EYA1: variants seen among roughly 807,000 people sequenced by gnomAD.
EYA1 encodes the protein EYA transcriptional coactivator and phosphatase 1.
A neutral mutation model predicts 82.0 loss-of-function variants in EYA1; 16 were observed. The observed-to-expected ratio is 0.20, with a 90% CI of 0.13 to 0.30. The LOEUF (loss-of-function observed/expected upper bound fraction) is 0.30. Ranked by LOEUF, EYA1 falls within the 10% of genes least tolerant of loss-of-function variation. The probability of loss-of-function intolerance (pLI) is 1.00; values close to 1 mark genes in which losing one functional copy is unlikely to be tolerated. For synonymous variants in EYA1, 261 were observed against 264.4 expected (o/e 0.99, Z 0.12); for missense variants, 633 against 730.7 (o/e 0.87, Z 1.54).
intron 12 of EYA1, among the ~76,000 whole-genome samples, chr8:71,217,299 A>T (rs1809336191): frequency 6.6e-6 from 1 of 152,226 alleles, no homozygotes; most frequent in Admixed American, 6.5e-5. Context: ...AACAATTAGC[A>T]TATGTGTTCC....
At chr8:71,271,645 G>A in intron 10 of EYA1, 113 bp downstream of exon 10, 2 of 1,121,292 alleles carry the variant, frequency 1.8e-6, no homozygotes, top group Admixed American at 1.7e-5. Flanking sequence ...AAAGAAAGCA[G>A]TAACAAAAGC....
rs143798228 is a variant in EYA1 at position 71,211,157 on chromosome 8, T to C, written c.1697A>G (p.Lys566Arg). 6.3e-7 allele frequency: 1 copy of C among 1,599,702 alleles called. No individual in the cohort carries two copies. The highest frequency in any genetic ancestry group is 8.6e-7 in the Non-Finnish European group (1 of 1,167,150). Residue 566 changes from lysine (K) to arginine (R), a missense_variant and splice_region_variant, in exon 17 of 18, where the codon AAG becomes AGG. By Grantham distance (26) the Lys-to-Arg change is conservative. Transcript: ENST00000340726. ...DGVEEEQGAK[K>R]HAMPFWRISS... ...GATGCACCATCTAGGAATGCTCACCTTTTTTGCTCCTTGTTCTTCTTCTAC... is the reference window on the plus strand; with the variant it reads ...GATGCACCATCTAGGAATGCTCACCCTTTTTGCTCCTTGTTCTTCTTCTAC...
At position 71,361,893 on chromosome 8, in the gene EYA1, C is replaced by T; in HGVS notation, c.-301G>A. On this transcript the variant is annotated 5_prime_UTR_variant, in exon 1 of 18. Coordinates refer to ENST00000340726, the MANE Select transcript of EYA1 (RefSeq NM_000503.6). ...GAGCGACTGAGCGAAAACGTGTTCC[C>T]CAGGAAGAAACCCGCCACAGTGGAC... is the stretch of plus-strand genomic sequence containing the variant. The T allele has an allele frequency of 1.0e-6, 1 of 985,456 alleles. No individual in the cohort carries two copies. The highest frequency in any genetic ancestry group is 1.2e-6 in the Non-Finnish European group (1 of 829,982). 61.0% of individuals were successfully genotyped at this position (985,456 alleles called of 1,614,324 possible).
chr8:71,546,515 T>A lies in EYA1; in HGVS notation c.-73+1349A>T, dbSNP rs376132958. ...AGACACTTTCTACTGATTCTTATTT[T>A]TTTTTTTTTTTTGAACGCTCTGTCG... On this transcript the variant is annotated intron_variant, in intron 1 of 18. Coordinates refer to the EYA1 transcript ENST00000643681. Among the ~76,000 whole-genome samples the A allele has an allele frequency of 7.5e-4, 114 of 151,244 alleles. No homozygotes were observed. The Middle Eastern group carries it at 0.02, about 27-fold the overall frequency.
At chr8:71,320,446 C>G (rs1013860859) in intron 6 of EYA1, among the ~76,000 whole-genome samples, 1 of 152,260 alleles carries the variant, frequency 6.6e-6, no homozygotes, top group South Asian at 2.1e-4. Flanking sequence ...CCTTTTTCTT[C>G]TTGTAGTCCA....
chr8:71,404,252 T>C (rs1830099958), intron 2 of EYA1: 1 of 152,168 alleles, frequency 6.6e-6, no homozygotes, highest in Non-Finnish European at 1.5e-5. Context: ...ATCATAGTCA[T>C]TGAAAAGCCC....
chr8:71,453,656 T>C (rs1248862141), intron 2 of EYA1, among the ~76,000 whole-genome samples: 2 of 152,170 alleles, frequency 1.3e-5, no homozygotes, highest in Admixed American at 6.5e-5. Flanking sequence ...CAGAATTTCA[T>C]ATCCAGCCAA....
chr8:71,388,777 C>T (rs1259658484), intron 2 of EYA1, among the ~76,000 whole-genome samples: 1 of 152,048 alleles, frequency 6.6e-6, no homozygotes, highest in Non-Finnish European at 1.5e-5. Flanking sequence ...AGAGGAAGTA[C>T]ATTTTAATAA....
chr8:71,445,589 A>T (rs1806812100), intron 2 of EYA1, among the ~76,000 whole-genome samples: 1 of 152,206 alleles, frequency 6.6e-6, no homozygotes, highest in African/African-American at 2.4e-5. Context: ...TGTATTTCAT[A>T]TTGGGACTTT....
intron 12 of EYA1, among the ~76,000 whole-genome samples, chr8:71,231,191 T>C (rs1278524167): frequency 6.6e-6 from 1 of 152,240 alleles, no homozygotes; most frequent in Non-Finnish European, 1.5e-5. Flanking sequence ...CTGTTCTCTG[T>C]CTCCACAAAC....
intron 3 of EYA1, among the ~76,000 whole-genome samples, chr8:71,347,975 G>A (rs1825919923): frequency 6.6e-6 from 1 of 151,230 alleles, no homozygotes; most frequent in Non-Finnish European, 1.5e-5. Flanking sequence ...TATAAATTGT[G>A]GGTCCTAAAC....
chr8:71,441,686 T>C (rs1474659782), intron 2 of EYA1, among the ~76,000 whole-genome samples: 1 of 152,228 alleles, frequency 6.6e-6, no homozygotes, highest in Non-Finnish European at 1.5e-5. Context: ...CATTTGTTCA[T>C]ATCCCTGTTT....
intron 16 of EYA1, among the ~76,000 whole-genome samples, chr8:71,211,554 G>A (rs1405389107): frequency 3.3e-5 from 5 of 152,202 alleles, no homozygotes; most frequent in Non-Finnish European, 7.4e-5. Context: ...TGCAATTGGG[G>A]TGGTGGGGGA....
Position 71,213,570 on chromosome 8 carries a change from T to G in EYA1, c.1597+1817A>C, listed in dbSNP as rs561933024. ...GGAATTTTACTCTATTTGATATATT[T>G]CTTGCTTTTTGATATTTTCCAACAA... is the stretch of plus-strand genomic sequence containing the variant. On this transcript the variant is annotated intron_variant, in intron 16 of 17. Transcript: ENST00000340726. Among the ~76,000 whole-genome samples the G allele has an allele frequency of 1.1e-4, 17 of 152,368 alleles. No homozygotes were observed. In the East Asian group the frequency reaches 3.3e-3, roughly 29 times the overall value.
In EYA1 at chr8:71,531,873, A is replaced by T. The variant is rs77906300; in HGVS notation, c.33+3871T>A. ...GAGAAGAGTGGGTAGAACTTACAAA[A>T]TCACACGTGTTACTGACTCTTCCTA... On this transcript the variant is annotated intron_variant, in intron 2 of 18. Coordinates refer to the EYA1 transcript ENST00000643681. 4.9e-4 allele frequency among the ~76,000 whole-genome samples: 75 copies of T among 152,292 alleles called. No homozygotes were observed. In the East Asian group the frequency reaches 0.013, roughly 26 times the overall value.
At chr8:71,514,029 A>G (rs777147234) in intron 2 of EYA1, among the ~76,000 whole-genome samples, 35 of 152,042 alleles carry the variant, frequency 2.3e-4, no homozygotes, top group Non-Finnish European at 4.1e-4. Context: ...TTATCCATTT[A>G]TCTGCTGATA....
At chr8:71,369,633 G>A (rs1421571547) in intron 2 of EYA1, among the ~76,000 whole-genome samples, 1 of 152,196 alleles carries the variant, frequency 6.6e-6, no homozygotes, top group Non-Finnish European at 1.5e-5. Context: ...TTAATTAAAT[G>A]AGTGTGGAAT....
At chr8:71,533,976 G>T (rs1401672738) in intron 2 of EYA1, among the ~76,000 whole-genome samples, 1 of 152,146 alleles carries the variant, frequency 6.6e-6, no homozygotes, top group Admixed American at 6.5e-5. Flanking sequence ...TATTATGATG[G>T]CCAAAATAAA....
chr8:71,284,882 C>A (rs569114545), intron 9 of EYA1, among the ~76,000 whole-genome samples: 2 of 152,314 alleles, frequency 1.3e-5, no homozygotes, highest in South Asian at 4.1e-4. Context: ...CTTCTTCAAA[C>A]ACTTATGTAA....
Sources: gnomAD v4.1 joint callset for allele counts (sites outside exome capture counted in the v4.1 genomes callset) on GRCh38, gnomAD v4.1.1 for gene constraint, MANE v1.5 for transcripts, NCBI Gene and HGNC (gene_info 2026-07-23, HGNC 2026-07-21) for gene names.